Variants in CENPU observed in about 807,000 individuals in gnomAD.
The protein encoded by CENPU is centromere protein U.
Under a neutral mutation model 56.7 loss-of-function variants are expected in CENPU, and 46 were observed. The ratio of observed to expected loss-of-function variants is 0.81; its 90% CI spans 0.64 to 1.04. CENPU has a LOEUF of 1.04. Ranked by LOEUF, CENPU falls within the 50% of genes least tolerant of loss-of-function variation. CENPU has a pLI of 0.00. For missense variants in CENPU, 510 were observed against 490.1 expected (o/e 1.04, Z -0.38); for synonymous variants, 166 against 163.0 (o/e 1.02, Z -0.14).
intron 12 of CENPU, 132 bp downstream of exon 12, chr4:184,697,515 G>T: frequency 1.2e-6 from 1 of 821,612 alleles, no homozygotes; most frequent in Non-Finnish European, 1.9e-6. Flanking sequence ...GGCTTATAGT[G>T]ATACTATTTT....
chr4:184,708,635 A>T (rs62339903), intron 8 of CENPU, among the ~76,000 whole-genome samples: 26,490 of 152,130 alleles, frequency 0.17, 3,528 homozygotes, highest in East Asian at 0.7. Flanking sequence ...ACTTGATGTA[A>T]AAGAATACAA....
intron 6 of CENPU, among the ~76,000 whole-genome samples, chr4:184,715,601 C>G (rs1393623555): frequency 1.3e-5 from 2 of 152,142 alleles, no homozygotes; most frequent in African/African-American, 4.8e-5. Context: ...GCATGAGCCA[C>G]CGTGCCCGCC....
At chr4:184,700,709 G>T in intron 11 of CENPU, 111 bp downstream of exon 11, 1 of 962,584 alleles carries the variant, frequency 1.0e-6, no homozygotes, top group South Asian at 1.3e-5. Context: ...GGAGCTTGAA[G>T]ATAACCTGGG....
Position 184,700,800 on chromosome 4 carries a change from A to T in CENPU, c.986+20T>A. On this transcript the variant is annotated intron_variant, in intron 11 of 12. Transcript: ENST00000281453. Reference sequence around the variant, plus strand: ...CATCCTTTTAGGTAAGTGCTCAAACAGGATTTGACAGTATCTTACCGAAGC... The same window carrying T: ...CATCCTTTTAGGTAAGTGCTCAAACTGGATTTGACAGTATCTTACCGAAGC... The T allele has an allele frequency of 6.2e-7, 1 of 1,608,258 alleles. No homozygotes were observed. Among genetic ancestry groups the T allele is most frequent in the Non-Finnish European group, 8.5e-7 (1 of 1,174,600 alleles).
intron 1 of CENPU, 108 bp from the exon 2 acceptor site, chr4:184,731,076 ACCC>A: frequency 2.0e-5 from 16 of 784,472 alleles, no homozygotes; most frequent in Non-Finnish European, 3.0e-5. Flanking sequence ...AAAAACAAGA[ACCC>A]ATATTCCACA....
chr4:184,703,529 AC>A (rs1328711053), intron 8 of CENPU, among the ~76,000 whole-genome samples: 1 of 152,104 alleles, frequency 6.6e-6, no homozygotes, highest in Non-Finnish European at 1.5e-5. Flanking sequence ...AGAAATAGGA[AC>A]CCTTGTGTTG....
chr4:184,701,548 T>C (rs979805512), intron 10 of CENPU, among the ~76,000 whole-genome samples: 8 of 152,258 alleles, frequency 5.3e-5, no homozygotes, highest in African/African-American at 1.7e-4. Context: ...AAGGAGACTC[T>C]CATGCTGGCT....
intron 4 of CENPU, among the ~76,000 whole-genome samples, chr4:184,719,369 T>C (rs974814848): frequency 3.9e-5 from 6 of 152,234 alleles, no homozygotes; most frequent in African/African-American, 1.4e-4. Context: ...TTTGAAGCTT[T>C]GCTTTGAATT....
At chr4:184,709,703 A>G (rs1474679247) in intron 8 of CENPU, among the ~76,000 whole-genome samples, 2 of 152,042 alleles carry the variant, frequency 1.3e-5, no homozygotes, top group Non-Finnish European at 2.9e-5. Flanking sequence ...AAAACTGAAC[A>G]TAGATCCAAT....
chr4:184,700,882 C>G lies in CENPU; in HGVS notation c.925-1G>C. The stretch of plus-strand genomic sequence containing the variant: ...TTTTCTTTTCGATATCTGAAATCAT[C>G]TAAGTAACACAATCATTTGTGTTAA... On this transcript the variant is annotated splice_acceptor_variant, in intron 10 of 12. Coordinates refer to ENST00000281453, the MANE Select transcript of CENPU (RefSeq NM_024629.4). LOFTEE classifies it high-confidence loss of function. The G allele has an allele frequency of 6.2e-7, 1 of 1,609,384 alleles. No individual in the cohort carries two copies. Among genetic ancestry groups the G allele is most frequent in the Non-Finnish European group, 8.5e-7 (1 of 1,175,600 alleles).
intron 12 of CENPU, among the ~76,000 whole-genome samples, chr4:184,696,162 T>G (rs1285366607): frequency 1.3e-5 from 2 of 152,230 alleles, no homozygotes; most frequent in Non-Finnish European, 2.9e-5. Flanking sequence ...ATGCTGTGAC[T>G]ACCACACACA....
intron 10 of CENPU, 22 bp from the exon 11 acceptor site, chr4:184,700,903 G>C (rs762235878): frequency 6.3e-7 from 1 of 1,592,646 alleles, no homozygotes; most frequent in South Asian, 1.1e-5. Flanking sequence ...AATCATTTGT[G>C]TTAAAATTAA....
chr4:184,702,822 T>C (rs1760583604), intron 8 of CENPU, among the ~76,000 whole-genome samples: 1 of 152,288 alleles, frequency 6.6e-6, no homozygotes, highest in Admixed American at 6.5e-5. Flanking sequence ...GAACACGCGG[T>C]ATTTGGCTTT....
chr4:184,701,015 G>C (rs2150202314), intron 10 of CENPU, 134 bp from the exon 11 acceptor site: 7 of 696,102 alleles, frequency 1.0e-5, no homozygotes, highest in South Asian at 6.3e-5. Context: ...TGGTCTAATG[G>C]GGAAGACAGA....
intron 5 of CENPU, among the ~76,000 whole-genome samples, chr4:184,716,915 C>T (rs575718328): frequency 5.3e-5 from 8 of 152,234 alleles, no homozygotes; most frequent in Non-Finnish European, 1.0e-4. Context: ...AGATGTGAGA[C>T]CTCTTTAATG....
Position 184,716,592 on chromosome 4 carries a change from G to A in CENPU, c.423C>T (p.Ser141=), listed in dbSNP as rs146176752. 1.1e-5 allele frequency: 18 copies of A among 1,613,958 alleles called. No homozygotes were observed. The highest frequency in any genetic ancestry group is 1.5e-5 in the Non-Finnish European group (18 of 1,180,026). ...KLRPISDDSE[S]IEESDTRRKV... is the part of the protein sequence containing the mutation. ...TTCTCCTTGTATCACTTTCTTCAAT[G>A]CTTTCAGAGTCATCACTAATGGGCC... Residue 141 remains serine, a synonymous_variant, in exon 6 of 13, where the codon AGC becomes AGT. Coordinates refer to ENST00000281453, the MANE Select transcript of CENPU (RefSeq NM_024629.4).
At position 184,734,019 on chromosome 4, in the gene CENPU, T is replaced by C; in HGVS notation, c.44A>G (p.Glu15Gly). Residue 15 changes from glutamate (E) to glycine (G), a missense_variant, in exon 1 of 13, where the codon GAG becomes GGG. Physicochemically the swap from Glu to Gly is moderately conservative, Grantham distance 98. Transcript: ENST00000281453. ...CCCGAGGGTCGGCAGTACTTACCCCTCAGACCTGTGAGGCCGCGGCCGCCG... is the reference window on the plus strand; with the variant it reads ...CCCGAGGGTCGGCAGTACTTACCCCCCAGACCTGTGAGGCCGCGGCCGCCG... ...GRRRPRPHRS[E>G]GARRSKNTLE... 6.2e-7 allele frequency: 1 copy of C among 1,604,158 alleles called. No individual in the cohort carries two copies. The highest frequency in any genetic ancestry group is 8.5e-7 in the Non-Finnish European group (1 of 1,176,894).
chr4:184,728,472 C>T (rs1761530531), intron 3 of CENPU, among the ~76,000 whole-genome samples: 1 of 152,160 alleles, frequency 6.6e-6, no homozygotes, highest in Non-Finnish European at 1.5e-5. Flanking sequence ...CAGCCTGGTA[C>T]TGGCCTTTTA....
At chr4:184,700,149 T>C (rs2150201525) in intron 11 of CENPU, among the ~76,000 whole-genome samples, 1 of 152,214 alleles carries the variant, frequency 6.6e-6, no homozygotes, top group Admixed American at 6.5e-5. Context: ...CAAAACACAC[T>C]TGGGGGCTGA....
Sources: gnomAD v4.1 joint callset for allele counts (sites outside exome capture counted in the v4.1 genomes callset) on GRCh38, gnomAD v4.1.1 for gene constraint, MANE v1.5 for transcripts, NCBI Gene and HGNC (gene_info 2026-07-23, HGNC 2026-07-21) for gene names.